The following PDE1C variants were observed in gnomAD, a reference collection of about 807,000 sequenced individuals.
PDE1C encodes the protein phosphodiesterase 1C, also known as dual specificity calcium/calmodulin-dependent 3',5'-cyclic nucleotide phosphodiesterase 1C.
In PDE1C, 62 loss-of-function variants were observed where a neutral mutation model predicts 93.1. The ratio of observed to expected loss-of-function variants is 0.67; its 90% confidence interval spans 0.54 to 0.82. The LOEUF (loss-of-function observed/expected upper bound fraction) is 0.82, where lower values mean the gene tolerates loss of function less well. PDE1C is among the 40% of genes least tolerant of loss of function. The pLI, the probability that PDE1C is intolerant of heterozygous loss-of-function variation, is 0.00. For synonymous variants in PDE1C, 325 were observed against 310.1 expected, an observed-to-expected ratio of 1.05 and a Z score of -0.50; for missense variants, 742 against 884.6, an observed-to-expected ratio of 0.84 and a Z score of 2.04.
chr7:31,709,967 C>G, the PDE1C span, among the ~76,000 whole-genome samples: 1 of 151,970 alleles, frequency 6.6e-6, no homozygotes, highest in Non-Finnish European at 1.5e-5. Context: ...CTGGGCAACA[C>G]AGAGAGACTC....
At chr7:32,112,623 C>CT (rs11367872) in intron 3 of PDE1C, among the ~76,000 whole-genome samples, 118 of 141,080 alleles carry the variant, frequency 8.4e-4, no homozygotes, top group East Asian at 2.5e-3. Flanking sequence ...CATCTAGCTG[C>CT]TTTTTTTTTT....
chr7:32,183,870 C>A (rs1803636349), intron 2 of PDE1C, among the ~76,000 whole-genome samples: 1 of 152,064 alleles, frequency 6.6e-6, no homozygotes, highest in Non-Finnish European at 1.5e-5. Flanking sequence ...AGGCAACCTA[C>A]AAAATGGGAG....
intron 2 of PDE1C, among the ~76,000 whole-genome samples, chr7:32,042,421 G>C (rs1791950643): frequency 6.6e-6 from 1 of 152,194 alleles, no homozygotes. Flanking sequence ...CCATTTGTCT[G>C]CTCATTTGAG....
rs1287792807 is a variant in PDE1C at position 32,362,090 on chromosome 7, G to A, written c.310+65732C>T. ...ATGTGGCAGGAGCACAGAGGAGGGC[G>A]CTCCCCCAGGGCGGGGAGAACGATG... On this transcript the variant is annotated intron_variant, in intron 1 of 1. Transcript: ENST00000672256. Among the ~76,000 whole-genome samples the A allele has an allele frequency of 4.6e-5, 7 of 152,128 alleles. 1 individual carries two copies. The highest frequency in any genetic ancestry group is 1.9e-4 in the East Asian group (1 of 5,174).
chr7:32,313,495 A>T (rs1163481135), intron 1 of PDE1C, among the ~76,000 whole-genome samples: 1 of 152,050 alleles, frequency 6.6e-6, no homozygotes, highest in African/African-American at 2.4e-5. Context: ...AAAGACTTGG[A>T]ACCAACCCAA....
rs140558819 is a variant in PDE1C, at chr7:32,424,086, A to T, written c.310+3736T>A. Among the ~76,000 whole-genome samples, 83 of 152,306 alleles carry T rather than the reference A, an allele frequency of 5.4e-4. 2 individuals are homozygous for T. In the East Asian group the frequency reaches 0.015, roughly 28 times the overall value. On this transcript the variant is annotated intron_variant, in intron 1 of 1. Transcript: ENST00000672256. ...GGTAACTTCTCATTGAAAATGTGGT[A>T]AGGTGCTCCCTCTTTTCCACTAGTG...
chr7:32,176,703 TCA>T (rs1447979656), intron 2 of PDE1C, among the ~76,000 whole-genome samples: 1 of 151,832 alleles, frequency 6.6e-6, no homozygotes, highest in African/African-American at 2.4e-5. Context: ...ACACACGTAC[TCA>T]CACACACACA....
At chr7:31,715,136 T>G in the PDE1C span, among the ~76,000 whole-genome samples, 1 of 152,214 alleles carries the variant, frequency 6.6e-6, no homozygotes, top group Non-Finnish European at 1.5e-5. Context: ...TGTAAAAATA[T>G]TCCAACAATT....
intron 1 of PDE1C, among the ~76,000 whole-genome samples, chr7:32,397,027 A>G (rs1784850428): frequency 1.3e-5 from 2 of 152,202 alleles, no homozygotes; most frequent in Admixed American, 6.5e-5. Flanking sequence ...ACCAAATACT[A>G]CATGAAAACA....
intron 2 of PDE1C, among the ~76,000 whole-genome samples, chr7:31,898,840 TG>T (rs879871331): frequency 4.9e-4 from 75 of 152,370 alleles, no homozygotes; most frequent in African/African-American, 1.7e-3. Flanking sequence ...AAATGTTTTT[TG>T]TCTCATTTTT....
chr7:31,685,720 A>C, the PDE1C span, among the ~76,000 whole-genome samples: 1 of 152,194 alleles, frequency 6.6e-6, no homozygotes, highest in Non-Finnish European at 1.5e-5. Flanking sequence ...AAATAAAATA[A>C]AATTTAAAAA....
Position 32,125,786 on chromosome 7 carries a change from C to A in PDE1C, c.308+43999G>T, listed in dbSNP as rs146553754. 3.3e-5 allele frequency among the ~76,000 whole-genome samples: 5 copies of A among 151,928 alleles called. No homozygotes were observed. In the East Asian group the frequency reaches 9.7e-4, roughly 29 times the overall value. On this transcript the variant is annotated intron_variant, in intron 3 of 18. Coordinates refer to the PDE1C transcript ENST00000396193. ...AGATGCAGCAAACCACCATGTCACA[C>A]GTATATCTATGTAACAAACCTGCAC...
chr7:31,694,387 A>ACACACACACACAC, the PDE1C span, among the ~76,000 whole-genome samples: 4 of 141,598 alleles, frequency 2.8e-5, no homozygotes, highest in East Asian at 4.2e-4. Context: ...CTCTCTCTCA[A>ACACACACACACAC]ACACACACAC....
chr7:31,819,865 C>A (rs1788744093), intron 14 of PDE1C, among the ~76,000 whole-genome samples: 1 of 151,170 alleles, frequency 6.6e-6, no homozygotes, highest in African/African-American at 2.4e-5. Context: ...AGAGAAAAAA[C>A]AGAGAAAAGA....
At chr7:32,183,093 G>T (rs1021780421) in intron 2 of PDE1C, among the ~76,000 whole-genome samples, 1 of 152,150 alleles carries the variant, frequency 6.6e-6, no homozygotes, top group African/African-American at 2.4e-5. Context: ...CAACTTATAA[G>T]GGACATGAAG....
rs1476760387 is a variant in PDE1C, at chr7:31,925,455, G to A, written c.129-44595C>T. On this transcript the variant is annotated intron_variant, in intron 2 of 17. Coordinates refer to ENST00000396191, the MANE Select transcript of PDE1C (RefSeq NM_001191057.4). ...AAAGAGAATGAAGGAAATTGATACAGGATGCTTAGGAAAAACTCTTAAAAA... is the reference window on the plus strand; with the variant it reads ...AAAGAGAATGAAGGAAATTGATACAAGATGCTTAGGAAAAACTCTTAAAAA... 4.6e-5 allele frequency among the ~76,000 whole-genome samples: 5 copies of A among 109,608 alleles called. No individual in the cohort carries two copies. In the East Asian group the frequency reaches 8.0e-4, roughly 18 times the overall value. The allele number at this position is 109,608 out of a possible 152,430, so 71.9% of individuals were successfully genotyped here. A position where few individuals can be genotyped will look rare whatever the true frequency, so the allele number is the denominator to read the frequency against.
chr7:31,770,462 C>T (rs1235225449), intron 17 of PDE1C, among the ~76,000 whole-genome samples: 1 of 152,070 alleles, frequency 6.6e-6, no homozygotes, highest in South Asian at 2.1e-4. Flanking sequence ...GAAACCACTG[C>T]CAAATCCAAG....
intron 12 of PDE1C, among the ~76,000 whole-genome samples, chr7:31,826,402 G>A (rs1789671992): frequency 6.6e-6 from 1 of 152,182 alleles, no homozygotes; most frequent in African/African-American, 2.4e-5. Context: ...ATACAGTGTT[G>A]TAATTGTGTA....
the PDE1C span, among the ~76,000 whole-genome samples, chr7:31,681,497 A>T: frequency 6.6e-6 from 1 of 152,086 alleles, no homozygotes; most frequent in Non-Finnish European, 1.5e-5. Flanking sequence ...AGCCACCCTA[A>T]CTTATTTCCT....
Sources: allele counts gnomAD v4.1 joint callset (sites outside exome capture counted in the v4.1 genomes callset), GRCh38; gene constraint gnomAD v4.1.1; transcripts MANE v1.5; gene names NCBI Gene and HGNC (gene_info 2026-07-23, HGNC 2026-07-21).